The following KDM4C variants were observed in gnomAD, a reference collection of about 807,000 sequenced individuals.
The protein encoded by KDM4C is lysine-specific demethylase 4C.
A neutral mutation model predicts 129.3 loss-of-function variants in KDM4C; 81 were observed. That is an observed-to-expected ratio of 0.63 (90% CI 0.52 to 0.75). The LOEUF (loss-of-function observed/expected upper bound fraction) is 0.75, where lower values mean the gene tolerates loss of function less well. Among genes scored for constraint, KDM4C ranks in the 30% least tolerant of loss-of-function variants. The probability of loss-of-function intolerance (pLI) is 0.00; values close to 1 mark genes in which losing one functional copy is unlikely to be tolerated. For synonymous variants in KDM4C, 573 were observed against 456.1 expected, an observed-to-expected ratio of 1.26 and a Z score of -3.26; for missense variants, 1,457 against 1,304.0, an observed-to-expected ratio of 1.12 and a Z score of -1.81.
intron 4 of KDM4C, among the ~76,000 whole-genome samples, chr9:6,838,716 AG>A (rs138426160): frequency 0.12 from 17,815 of 152,048 alleles, 1,174 homozygotes; most frequent in East Asian, 0.26. Flanking sequence ...AAAATGCAAA[AG>A]GGAAAATAGT....
rs769427785 is a variant in KDM4C, at chr9:6,990,452, C to T, written c.1714C>T (p.Arg572Cys). 1.2e-6 allele frequency: 2 copies of T among 1,612,460 alleles called. No homozygotes were observed. Among genetic ancestry groups the T allele is most frequent in the East Asian group, 2.2e-5 (1 of 44,824 alleles). ...EGENKTSKSW[R>C]HPLSRPPARS... ...AGAGAACAAAACCTCTAAGAGTTGG[C>T]GCCATCCACTTAGCAGGCCTCCAGC... The change falls in exon 12 of 22, where the codon CGC (arginine) becomes TGC (cysteine). Residue 572 changes from arginine to cysteine, a missense_variant. Arg to Cys is a radical substitution (Grantham distance 180, BLOSUM62 -3). Coordinates refer to ENST00000381309, the MANE Select transcript of KDM4C (RefSeq NM_015061.6).
chr9:6,976,035 C>G (rs1271373360), intron 8 of KDM4C, among the ~76,000 whole-genome samples: 1 of 152,026 alleles, frequency 6.6e-6, no homozygotes, highest in Non-Finnish European at 1.5e-5. Flanking sequence ...GAGACCTTGT[C>G]TCAAAAATAA....
At chr9:6,861,736 A>G (rs1209714734) in intron 5 of KDM4C, among the ~76,000 whole-genome samples, 1 of 151,276 alleles carries the variant, frequency 6.6e-6, no homozygotes, top group Admixed American at 6.6e-5. Context: ...AGTTTCTTGA[A>G]CTCATGCATA....
At chr9:6,966,842 T>A (rs1167510757) in intron 8 of KDM4C, among the ~76,000 whole-genome samples, 1 of 152,166 alleles carries the variant, frequency 6.6e-6, no homozygotes, top group Non-Finnish European at 1.5e-5. Flanking sequence ...AGCTATTAGA[T>A]GAAAATATAG....
rs530425593 is a variant in KDM4C at position 6,985,239 on chromosome 9, T to C, written c.1354+835T>C. Among the ~76,000 whole-genome samples, 38 of 152,342 alleles carry C rather than the reference T, an allele frequency of 2.5e-4. No homozygotes were observed. In the South Asian group the frequency reaches 6.8e-3, roughly 27 times the overall value. ...GTGATCCTTTAAAAGAAAAAAAGCT[T>C]AGGTCTTGTGACTACCTTCTTCTTA... On this transcript the variant is annotated intron_variant, in intron 10 of 21. Transcript: ENST00000381309.
chr9:7,064,393 A>G (rs773846307), intron 17 of KDM4C, among the ~76,000 whole-genome samples: 16 of 152,200 alleles, frequency 1.1e-4, no homozygotes, highest in Non-Finnish European at 2.2e-4. Flanking sequence ...TAAAAGATGC[A>G]TAATGTGGAG....
At chr9:6,946,556 G>C (rs977364455) in intron 8 of KDM4C, among the ~76,000 whole-genome samples, 4 of 152,034 alleles carry the variant, frequency 2.6e-5, no homozygotes, top group Admixed American at 2.6e-4. Context: ...TCCACATTTA[G>C]GGTAAATCTC....
upstream of KDM4C, among the ~76,000 whole-genome samples, chr9:6,756,086 T>G (rs1818254086): frequency 6.6e-6 from 1 of 152,226 alleles, no homozygotes; most frequent in African/African-American, 2.4e-5. Flanking sequence ...GTTTCCAGAT[T>G]TTTTATTCTG....
At chr9:7,049,887 C>G (rs1398267455) in intron 17 of KDM4C, among the ~76,000 whole-genome samples, 1 of 152,058 alleles carries the variant, frequency 6.6e-6, no homozygotes, top group East Asian at 1.9e-4. Flanking sequence ...AGAACTTTCC[C>G]CAAAGTTCAA....
intron 1 of KDM4C, among the ~76,000 whole-genome samples, chr9:6,760,639 C>G (rs1030535442): frequency 2.0e-5 from 3 of 151,834 alleles, no homozygotes; most frequent in African/African-American, 7.3e-5. Flanking sequence ...GGCACGATCT[C>G]TGCTCACTGC....
At chr9:6,984,819 A>AACC (rs1563932607) in intron 10 of KDM4C, among the ~76,000 whole-genome samples, 1 of 151,916 alleles carries the variant, frequency 6.6e-6, no homozygotes, top group African/African-American at 2.4e-5. Context: ...TTTTAAGAAC[A>AACC]ACAATAATGA....
At chr9:7,147,951 G>T (rs538365674) in intron 19 of KDM4C, among the ~76,000 whole-genome samples, 1 of 152,174 alleles carries the variant, frequency 6.6e-6, no homozygotes, top group African/African-American at 2.4e-5. Context: ...GGCTGTGCTC[G>T]GCTCATGCTA....
intron 8 of KDM4C, among the ~76,000 whole-genome samples, chr9:6,913,207 T>C (rs1050844870): frequency 2.0e-5 from 3 of 152,030 alleles, no homozygotes; most frequent in Admixed American, 1.3e-4. Context: ...TAATATAACT[T>C]GATTATATTT....
intron 1 of KDM4C, among the ~76,000 whole-genome samples, chr9:6,779,924 T>G (rs1823950169): frequency 6.6e-6 from 1 of 152,220 alleles, no homozygotes; most frequent in Non-Finnish European, 1.5e-5. Flanking sequence ...TTAACCTGAG[T>G]GGCTCAAAAT....
intron 8 of KDM4C, among the ~76,000 whole-genome samples, chr9:6,976,856 C>A (rs1288333645): frequency 6.6e-6 from 1 of 150,438 alleles, no homozygotes; most frequent in African/African-American, 2.5e-5. Flanking sequence ...TCGGTAAATA[C>A]ATTTTTGGTG....
intron 1 of KDM4C, among the ~76,000 whole-genome samples, chr9:6,747,151 C>G (rs117327550): frequency 0.025 from 3,824 of 151,944 alleles, 69 homozygotes; most frequent in Non-Finnish European, 0.038. Flanking sequence ...CAAGATCACT[C>G]CACTGCACTT....
chr9:6,793,592 TGCAATG>T (rs746175581), intron 2 of KDM4C, among the ~76,000 whole-genome samples: 2 of 150,938 alleles, frequency 1.3e-5, no homozygotes, highest in Non-Finnish European at 3.0e-5. Flanking sequence ...CAGGCTGGAG[TGCAATG>T]GCGTGATCTC....
intron 8 of KDM4C, chr9:6,925,439 TCCTCTTC>T (rs1217523873): frequency 5.5e-6 from 5 of 901,438 alleles, no homozygotes; most frequent in South Asian, 5.3e-5. Context: ...TTTCCCCTTT[TCCTCTTC>T]CCCCTTCCCC....
At chr9:6,928,279 G>A (rs1227227129) in intron 8 of KDM4C, among the ~76,000 whole-genome samples, 1 of 152,168 alleles carries the variant, frequency 6.6e-6, no homozygotes, top group African/African-American at 2.4e-5. Context: ...TCCAGTGTTA[G>A]AGAGCCAAAG....
Sources: allele counts gnomAD v4.1 joint callset (sites outside exome capture counted in the v4.1 genomes callset), GRCh38; gene constraint gnomAD v4.1.1; transcripts MANE v1.5; gene names NCBI Gene and HGNC (gene_info 2026-07-23, HGNC 2026-07-21).